Variants in ANKRD17 observed in about 807,000 individuals in gnomAD.
ANKRD17 encodes ankyrin repeat domain-containing protein 17.
A neutral mutation model predicts 229.7 loss-of-function variants in ANKRD17; 19 were observed. That is an observed-to-expected ratio of 0.08 (90% CI 0.06 to 0.12). The LOEUF is 0.12. ANKRD17 is among the 10% of genes least tolerant of loss of function. The pLI, the probability that ANKRD17 is intolerant of heterozygous loss-of-function variation, is 1.00. For missense variants in ANKRD17, 2,176 were observed against 3,176.8 expected (o/e 0.68, Z 7.57); for synonymous variants, 1,112 against 1,146.1 (o/e 0.97, Z 0.60).
chr4:73,218,877 A>C (rs988334736), intron 1 of ANKRD17, among the ~76,000 whole-genome samples: 2 of 152,144 alleles, frequency 1.3e-5, no homozygotes, highest in Non-Finnish European at 2.9e-5. Context: ...CCTGGCCAAC[A>C]TAGTGAAACC....
chr4:73,181,115 G>T (rs960798570), intron 1 of ANKRD17, among the ~76,000 whole-genome samples: 1 of 152,098 alleles, frequency 6.6e-6, no homozygotes, highest in African/African-American at 2.4e-5. Flanking sequence ...GAACAAAGGG[G>T]TAATCACAAT....
chr4:73,196,172 G>A (rs1313494761), intron 1 of ANKRD17, among the ~76,000 whole-genome samples: 1 of 151,706 alleles, frequency 6.6e-6, no homozygotes. Flanking sequence ...GCTTATTTTT[G>A]TATTTTTAGT....
intron 24 of ANKRD17, among the ~76,000 whole-genome samples, chr4:73,105,380 A>C (rs1036653018): frequency 3.3e-5 from 5 of 151,088 alleles, no homozygotes; most frequent in African/African-American, 1.2e-4. Context: ...GATATTATAC[A>C]TATATAAAGA....
At chr4:73,172,341 A>G (rs1483718549) in intron 2 of ANKRD17, among the ~76,000 whole-genome samples, 1 of 152,222 alleles carries the variant, frequency 6.6e-6, no homozygotes, top group African/African-American at 2.4e-5. Flanking sequence ...TTAAACATGA[A>G]GGAGAAAGAG....
intron 1 of ANKRD17, among the ~76,000 whole-genome samples, chr4:73,253,381 A>G (rs962901287): frequency 1.3e-5 from 2 of 152,240 alleles, no homozygotes; most frequent in Admixed American, 1.3e-4. Flanking sequence ...AGGAACTCCA[A>G]ACATTTATTG....
chr4:73,079,645 A>C (rs1721351537), intron 30 of ANKRD17, among the ~76,000 whole-genome samples: 1 of 152,168 alleles, frequency 6.6e-6, no homozygotes, highest in Non-Finnish European at 1.5e-5. Context: ...ATCATTGCCT[A>C]AGTCTGTTTT....
intron 1 of ANKRD17, among the ~76,000 whole-genome samples, chr4:73,220,955 T>G (rs1050715871): frequency 2.6e-5 from 4 of 152,140 alleles, no homozygotes; most frequent in Non-Finnish European, 5.9e-5. Flanking sequence ...CATTATGTAA[T>G]AAATATCTGT....
intron 6 of ANKRD17, 88 bp from the exon 7 acceptor site, chr4:73,151,612 T>A: frequency 1.0e-6 from 1 of 987,220 alleles, no homozygotes; most frequent in Non-Finnish European, 1.4e-6. Flanking sequence ...AAGTTATATT[T>A]AACTTACAGC....
chr4:73,240,828 G>C (rs62311895), intron 1 of ANKRD17, among the ~76,000 whole-genome samples: 2,765 of 126,334 alleles, frequency 0.022, 40 homozygotes, highest in Middle Eastern at 0.025. Context: ...TTTTTTTTTG[G>C]AGATGAGTCT....
chr4:73,179,508 ATATATATATATT>A (rs1252410354), intron 1 of ANKRD17, among the ~76,000 whole-genome samples: 3 of 79,176 alleles, frequency 3.8e-5, no homozygotes, highest in Non-Finnish European at 8.0e-5. Context: ...ATATATATAT[ATATATATATATT>A]TTTTTTTTTT....
At chr4:73,118,554 G>T in intron 22 of ANKRD17, 134 bp downstream of exon 22, 1 of 961,620 alleles carries the variant, frequency 1.0e-6, no homozygotes, top group Non-Finnish European at 1.6e-6. Context: ...GTTGCCATAA[G>T]AGTAATTATT....
intron 1 of ANKRD17, among the ~76,000 whole-genome samples, chr4:73,180,769 A>G (rs1735440914): frequency 6.6e-6 from 1 of 152,310 alleles, no homozygotes; most frequent in South Asian, 2.1e-4. Flanking sequence ...CTGCTAAAAT[A>G]TGAAGGCCTA....
At chr4:73,142,600 T>C (rs746291852) in intron 12 of ANKRD17, 40 bp downstream of exon 12, 22 of 1,613,352 alleles carry the variant, frequency 1.4e-5, no homozygotes, top group Middle Eastern at 1.6e-4. Context: ...AAGAGAGAAA[T>C]ACTAATTCAC....
intron 24 of ANKRD17, chr4:73,103,992 A>G (rs772055534): frequency 6.6e-6 from 1 of 152,198 alleles, no homozygotes; most frequent in Non-Finnish European, 1.5e-5. Context: ...GCGGTAATGC[A>G]ACATACTTAC....
In ANKRD17 at chr4:73,146,841, C is replaced by G. The variant is rs1424652306; in HGVS notation, c.1792G>C (p.Asp598His). Residue 598 changes from aspartate to histidine, a missense_variant, in exon 10 of 34, where the codon GAT becomes CAT. Asp to His is a moderately conservative substitution (Grantham distance 81). Transcript: ENST00000358602. The stretch of plus-strand genomic sequence containing the variant: ...TCACAGGCATATGTTAGTGCTGTAT[C>G]CCCTGTTGCTGTTGTTGCATGAACG... ...ANVHATTATGDTALTYACENG... is the reference protein window; with the variant it reads ...ANVHATTATGHTALTYACENG... 6.2e-7 allele frequency: 1 copy of G among 1,612,574 alleles called. No homozygotes were observed. The highest frequency in any genetic ancestry group is 8.5e-7 in the Non-Finnish European group (1 of 1,179,162).
At chr4:73,252,493 T>C (rs1371647797) in intron 1 of ANKRD17, among the ~76,000 whole-genome samples, 2 of 151,894 alleles carry the variant, frequency 1.3e-5, no homozygotes, top group African/African-American at 2.4e-5. Context: ...AGTAACAAGG[T>C]AGGAGGGAGA....
Position 73,142,764 on chromosome 4 carries a change from G to A in ANKRD17, c.1961C>T (p.Ala654Val), listed in dbSNP as rs781617560. 3.7e-6 allele frequency: 6 copies of A among 1,607,118 alleles called. No individual in the cohort carries two copies. Among genetic ancestry groups the A allele is most frequent in the South Asian group, 2.2e-5 (2 of 89,700 alleles). ...CTVQFLISKG[A>V]NVNRTTANND... The stretch of plus-strand genomic sequence containing the variant: ...ATTAGCTGTGGTTCTATTCACATTC[G>A]CTCCTAAAACAGAAAAGGCATGGAA... The change falls in exon 12 of 34, where the codon GCG becomes GTG. Residue 654 changes from alanine to valine, a missense_variant. By Grantham distance (64) the Ala-to-Val change is moderately conservative (BLOSUM62 0). Transcript: ENST00000358602.
At chr4:73,163,029 CTT>C (rs769597979) in intron 2 of ANKRD17, among the ~76,000 whole-genome samples, 33 of 135,738 alleles carry the variant, frequency 2.4e-4, no homozygotes, top group Admixed American at 3.0e-4. Context: ...TGGCTAATTG[CTT>C]TTTTTTTTTT....
chr4:73,198,153 A>T (rs759100051), intron 1 of ANKRD17, among the ~76,000 whole-genome samples: 2 of 152,222 alleles, frequency 1.3e-5, no homozygotes, highest in Non-Finnish European at 2.9e-5. Flanking sequence ...TGGCTACTCC[A>T]TCTACCTGCT....
Sources: gnomAD v4.1 joint callset for allele counts (sites outside exome capture counted in the v4.1 genomes callset) on GRCh38, gnomAD v4.1.1 for gene constraint, MANE v1.5 for transcripts, NCBI Gene and HGNC (gene_info 2026-07-23, HGNC 2026-07-21) for gene names.